ANK3: variants seen among roughly 807,000 people sequenced by gnomAD.
ANK3 encodes the protein ankyrin-3.
A neutral mutation model predicts 370.9 loss-of-function variants in ANK3; 57 were observed. That is an observed-to-expected ratio of 0.15 (90% confidence interval 0.12 to 0.19). The LOEUF (loss-of-function observed/expected upper bound fraction) is 0.19. Among genes scored for constraint, ANK3 ranks in the 10% least tolerant of loss-of-function variants. The pLI, the probability that ANK3 is intolerant of heterozygous loss-of-function variation, is 1.00. For synonymous variants in ANK3, 1,929 were observed against 1,946.3 expected, an observed-to-expected ratio of 0.99 and a Z score of 0.23; for missense variants, 4,439 against 5,302.1, an observed-to-expected ratio of 0.84 and a Z score of 5.06.
chr10:60,444,618 C>T (rs1194349768), intron 2 of ANK3, among the ~76,000 whole-genome samples: 5 of 152,106 alleles, frequency 3.3e-5, no homozygotes, highest in Non-Finnish European at 7.3e-5. Context: ...GGCTTTCCAT[C>T]TCCACAGTGT....
chr10:60,295,059 G>A (rs570608676), intron 1 of ANK3, among the ~76,000 whole-genome samples: 3 of 152,264 alleles, frequency 2.0e-5, no homozygotes, highest in East Asian at 1.9e-4. Flanking sequence ...TTATGTTACC[G>A]TCTAACAGCT....
chr10:60,466,069 A>C (rs932699640), intron 2 of ANK3, among the ~76,000 whole-genome samples: 2 of 151,760 alleles, frequency 1.3e-5, no homozygotes, highest in African/African-American at 4.8e-5. Flanking sequence ...CCTGCCACTC[A>C]CTCTCTTCGT....
intron 2 of ANK3, among the ~76,000 whole-genome samples, chr10:60,513,296 C>T (rs2076135204): frequency 6.6e-6 from 1 of 152,052 alleles, no homozygotes; most frequent in African/African-American, 2.4e-5. Context: ...GTGGTCATTA[C>T]TGTCAAGGTT....
At chr10:60,449,673 C>T (rs1284600625) in intron 2 of ANK3, among the ~76,000 whole-genome samples, 1 of 152,204 alleles carries the variant, frequency 6.6e-6, no homozygotes, top group Non-Finnish European at 1.5e-5. Flanking sequence ...ATCATACCTG[C>T]TTTCACAGAG....
In ANK3 at chr10:60,110,299, C is replaced by T. The variant is rs905698949; in HGVS notation, c.2949-1245G>A. ...CAAACTGGCCTGTGATCCCCACAGG[C>T]AGAGGCAATGGGCTGGCGATCATTT... On this transcript the variant is annotated intron_variant, in intron 26 of 43. Coordinates refer to ENST00000280772, the MANE Select transcript of ANK3 (RefSeq NM_020987.5). Among the ~76,000 whole-genome samples, 5 of 152,242 alleles carry T rather than the reference C, an allele frequency of 3.3e-5. No individual in the cohort carries two copies. The South Asian group carries it at 1.0e-3, about 32-fold the overall frequency.
chr10:60,128,638 C>A (rs2093904235), intron 25 of ANK3, among the ~76,000 whole-genome samples: 2 of 152,138 alleles, frequency 1.3e-5, no homozygotes, highest in Admixed American at 1.3e-4. Flanking sequence ...ACCTTGGCCT[C>A]CCAAAGTGCT....
intron 30 of ANK3, 37 bp downstream of exon 30, chr10:60,086,640 T>TGTACAAATAG: frequency 6.5e-7 from 1 of 1,536,614 alleles, no homozygotes; most frequent in East Asian, 2.3e-5. Flanking sequence ...ACAATCTTTG[T>TGTACAAATAG]GAATCAATAG....
At chr10:60,391,226 C>G (rs574438814), upstream of ANK3, among the ~76,000 whole-genome samples, 4 of 152,300 alleles carry the variant, frequency 2.6e-5, no homozygotes, top group African/African-American at 9.6e-5. Context: ...CCACGCTGGT[C>G]ATAGAGTTAC....
intron 1 of ANK3, among the ~76,000 whole-genome samples, chr10:60,356,632 G>A (rs1458857059): frequency 6.6e-6 from 1 of 152,190 alleles, no homozygotes; most frequent in Admixed American, 6.5e-5. Context: ...ATTTCCAGGA[G>A]CAGTCTCACC....
chr10:60,232,718 G>A (rs1363238247), intron 8 of ANK3, among the ~76,000 whole-genome samples: 1 of 152,110 alleles, frequency 6.6e-6, no homozygotes, highest in Non-Finnish European at 1.5e-5. Context: ...CCTATGGCTG[G>A]GCTGTCTTAG....
intron 28 of ANK3, among the ~76,000 whole-genome samples, chr10:60,089,371 A>G (rs1383182525): frequency 6.6e-6 from 1 of 151,338 alleles, no homozygotes; most frequent in Non-Finnish European, 1.5e-5. Context: ...CCCTCCTGTC[A>G]CCCGGGTGTT....
intron 27 of ANK3, among the ~76,000 whole-genome samples, chr10:60,107,348 T>G (rs1223243571): frequency 6.6e-6 from 1 of 152,182 alleles, no homozygotes; most frequent in African/African-American, 2.4e-5. Flanking sequence ...TCTTTGCAGG[T>G]TAATATGTCA....
chr10:60,485,783 G>T (rs1219006411), intron 2 of ANK3, among the ~76,000 whole-genome samples: 1 of 152,160 alleles, frequency 6.6e-6, no homozygotes, highest in African/African-American at 2.4e-5. Context: ...GACAACATAG[G>T]ATGGCTTGGA....
chr10:60,163,483 A>C (rs2095547210), intron 23 of ANK3, among the ~76,000 whole-genome samples: 1 of 152,164 alleles, frequency 6.6e-6, no homozygotes, highest in Non-Finnish European at 1.5e-5. Context: ...ACCTTATTAA[A>C]TGATAACATT....
intron 11 of ANK3, among the ~76,000 whole-genome samples, chr10:60,203,571 C>T (rs1173269924): frequency 6.6e-6 from 1 of 152,116 alleles, no homozygotes; most frequent in Non-Finnish European, 1.5e-5. Context: ...AGCAGGGTAC[C>T]TAACACAAAG....
At chr10:60,356,732 G>A (rs547389029) in intron 1 of ANK3, among the ~76,000 whole-genome samples, 2 of 152,244 alleles carry the variant, frequency 1.3e-5, no homozygotes, top group Admixed American at 6.5e-5. Context: ...TCCTTGAGAT[G>A]GAGTCTCACT....
At chr10:60,545,977 A>G (rs529755500) in intron 2 of ANK3, among the ~76,000 whole-genome samples, 22 of 152,330 alleles carry the variant, frequency 1.4e-4, no homozygotes, top group African/African-American at 4.8e-4. Context: ...GTCTTCCAGA[A>G]AGCAAGACTC....
chr10:60,535,438 G>A (rs557194717), intron 2 of ANK3, among the ~76,000 whole-genome samples: 374 of 152,162 alleles, frequency 2.5e-3, no homozygotes, highest in Non-Finnish European at 4.0e-3. Flanking sequence ...CCCTTTATCT[G>A]AAGAGATCGT....
At chr10:60,621,795 G>T (rs1455595084) in intron 1 of ANK3, among the ~76,000 whole-genome samples, 2 of 152,172 alleles carry the variant, frequency 1.3e-5, no homozygotes, top group African/African-American at 4.8e-5. Flanking sequence ...TACCACTATG[G>T]ATCCAGGAGC....
Sources: allele counts gnomAD v4.1 joint callset (sites outside exome capture counted in the v4.1 genomes callset), GRCh38; gene constraint gnomAD v4.1.1; transcripts MANE v1.5; gene names NCBI Gene and HGNC (gene_info 2026-07-23, HGNC 2026-07-21).